The following TRAPPC9 variants were observed in gnomAD, a reference collection of about 807,000 sequenced individuals.
TRAPPC9 encodes IKK2 binding protein.
A neutral mutation model predicts 124.0 loss-of-function variants in TRAPPC9; 83 were observed. The ratio of observed to expected loss-of-function variants is 0.67; its 90% CI spans 0.56 to 0.80. TRAPPC9 has a LOEUF of 0.80. TRAPPC9 is among the 30% of genes least tolerant of loss of function. The pLI is 0.00. For synonymous variants in TRAPPC9, 638 were observed against 617.5 expected (o/e 1.03, Z -0.49); for missense variants, 1,302 against 1,508.3 (o/e 0.86, Z 2.27).
At chr8:139,844,101 G>A (rs925388183) in intron 21 of TRAPPC9, among the ~76,000 whole-genome samples, 3 of 152,170 alleles carry the variant, frequency 2.0e-5, no homozygotes, top group East Asian at 1.9e-4. Flanking sequence ...ATCTGCAGGC[G>A]AGCAGGTGAC....
chr8:140,288,311 G>A (rs750122339), intron 12 of TRAPPC9, among the ~76,000 whole-genome samples: 2 of 152,236 alleles, frequency 1.3e-5, no homozygotes, highest in Non-Finnish European at 2.9e-5. Context: ...ACTCCAGCGT[G>A]GGGGACAGAG....
chr8:139,969,344 C>T (rs966341319), intron 19 of TRAPPC9, among the ~76,000 whole-genome samples: 10 of 152,254 alleles, frequency 6.6e-5, no homozygotes, highest in African/African-American at 2.4e-4. Flanking sequence ...CTCAAAGCCA[C>T]TGTCCTTTTA....
chr8:140,346,746 G>A (rs2067360264), intron 9 of TRAPPC9, among the ~76,000 whole-genome samples: 1 of 152,194 alleles, frequency 6.6e-6, no homozygotes, highest in African/African-American at 2.4e-5. Context: ...ACAAAAAGTT[G>A]TTTCAGGTGT....
At chr8:139,918,686 A>G (rs759242942) in intron 19 of TRAPPC9, among the ~76,000 whole-genome samples, 9 of 152,278 alleles carry the variant, frequency 5.9e-5, no homozygotes, top group Non-Finnish European at 1.3e-4. Flanking sequence ...TGTGGGAAGC[A>G]CAGCCCCTTC....
intron 17 of TRAPPC9, among the ~76,000 whole-genome samples, chr8:140,175,276 T>C (rs2062040972): frequency 6.6e-6 from 1 of 151,896 alleles, no homozygotes; most frequent in Non-Finnish European, 1.5e-5. Context: ...TTTTGAATTA[T>C]GAACCTCCAT....
At chr8:139,764,002 C>T (rs935359375) in intron 21 of TRAPPC9, among the ~76,000 whole-genome samples, 5 of 152,192 alleles carry the variant, frequency 3.3e-5, no homozygotes, top group Admixed American at 2.0e-4. Context: ...ATTAGATACA[C>T]GGTAGGTCTG....
intron 20 of TRAPPC9, among the ~76,000 whole-genome samples, chr8:139,908,001 C>T (rs560000864): frequency 3.3e-5 from 5 of 152,244 alleles, no homozygotes; most frequent in Admixed American, 3.3e-4. Context: ...GTCAGGTTGC[C>T]GACAAGGGTG....
At chr8:139,856,404 C>T (rs1444624791) in intron 21 of TRAPPC9, among the ~76,000 whole-genome samples, 2 of 152,150 alleles carry the variant, frequency 1.3e-5, no homozygotes, top group South Asian at 2.1e-4. Flanking sequence ...AGCCCTGCGG[C>T]GGCTCCCCTT....
At chr8:140,036,449 G>A (rs1055267763) in intron 17 of TRAPPC9, among the ~76,000 whole-genome samples, 1 of 151,772 alleles carries the variant, frequency 6.6e-6, no homozygotes, top group Non-Finnish European at 1.5e-5. Context: ...AGGGAAAAGG[G>A]AAGCCACGGA....
At chr8:140,183,710 C>T (rs1015571248) in intron 17 of TRAPPC9, among the ~76,000 whole-genome samples, 3 of 151,740 alleles carry the variant, frequency 2.0e-5, no homozygotes, top group Non-Finnish European at 4.4e-5. Flanking sequence ...CAAAAATTAG[C>T]TGGGCATGGT....
chr8:140,389,842 C>CA (rs397971049), intron 7 of TRAPPC9, among the ~76,000 whole-genome samples: 7,987 of 92,414 alleles, frequency 0.086, 586 homozygotes, highest in African/African-American at 0.23. Context: ...CAACAATAAC[C>CA]AAAAAAAAAA....
intron 20 of TRAPPC9, among the ~76,000 whole-genome samples, chr8:139,902,108 G>A (rs1175314588): frequency 6.6e-6 from 1 of 152,160 alleles, no homozygotes; most frequent in African/African-American, 2.4e-5. Context: ...CACAACACAC[G>A]TCGATCCGTG....
At chr8:140,260,477 C>A (rs2064378154) in intron 15 of TRAPPC9, among the ~76,000 whole-genome samples, 1 of 152,232 alleles carries the variant, frequency 6.6e-6, no homozygotes, top group African/African-American at 2.4e-5. Flanking sequence ...AACTCTGTCG[C>A]AGCCATGCAA....
At chr8:139,884,696 G>T (rs374297307) in intron 21 of TRAPPC9, among the ~76,000 whole-genome samples, 3 of 152,330 alleles carry the variant, frequency 2.0e-5, no homozygotes, top group African/African-American at 7.2e-5. Flanking sequence ...TAGAAAAGTG[G>T]CTGGGCTACA....
chr8:140,068,110 T>C (rs886948292), intron 17 of TRAPPC9, among the ~76,000 whole-genome samples: 2 of 152,090 alleles, frequency 1.3e-5, no homozygotes, highest in African/African-American at 4.8e-5. Flanking sequence ...GTCAGTCTCC[T>C]GTGTCTGAGC....
rs146194081 is a variant in TRAPPC9, at chr8:140,166,686, C to T, written c.2556+54773G>A. 7.7e-4 allele frequency among the ~76,000 whole-genome samples: 118 copies of T among 152,338 alleles called. 2 individuals carry two copies. The Middle Eastern group carries it at 0.014, about 18-fold the overall frequency. ...CTGAGCTGGGGTCTGGAAGGTCACA[C>T]GCAGCAAGAAAGCAAGCAGGCAGCT... On this transcript the variant is annotated intron_variant, in intron 17 of 22. Coordinates refer to ENST00000438773, the MANE Select transcript of TRAPPC9 (RefSeq NM_001160372.4).
chr8:140,373,029 T>C (rs1380591715), intron 7 of TRAPPC9, among the ~76,000 whole-genome samples: 1 of 152,228 alleles, frequency 6.6e-6, no homozygotes, highest in Non-Finnish European at 1.5e-5. Flanking sequence ...CCCCACTGCC[T>C]ACCTATGACC....
intron 21 of TRAPPC9, among the ~76,000 whole-genome samples, chr8:139,759,085 T>G (rs1051109729): frequency 6.6e-6 from 1 of 152,210 alleles, no homozygotes; most frequent in Admixed American, 6.5e-5. Flanking sequence ...GGCCGGGTGC[T>G]GCTTCAGCTC....
At chr8:140,418,782 A>ACAGG (rs2070047302) in intron 5 of TRAPPC9, among the ~76,000 whole-genome samples, 1 of 152,174 alleles carries the variant, frequency 6.6e-6, no homozygotes, top group Non-Finnish European at 1.5e-5. Flanking sequence ...AGACAGACAG[A>ACAGG]CAGACAGATG....
Sources: gnomAD v4.1 joint callset for allele counts (sites outside exome capture counted in the v4.1 genomes callset) on GRCh38, gnomAD v4.1.1 for gene constraint, MANE v1.5 for transcripts, NCBI Gene and HGNC (gene_info 2026-07-23, HGNC 2026-07-21) for gene names.